MAGI3: variants seen among roughly 807,000 people sequenced by gnomAD.
The protein encoded by MAGI3 is membrane-associated guanylate kinase, WW and PDZ domain-containing protein 3.
A neutral mutation model predicts 121.8 loss-of-function variants in MAGI3; 43 were observed. The observed-to-expected ratio is 0.35, with a 90% CI of 0.28 to 0.46. MAGI3 has a LOEUF of 0.46. MAGI3 is among the 20% of genes least tolerant of loss of function. MAGI3 has a pLI of 1.00. For synonymous variants in MAGI3, 553 were observed against 639.3 expected, an observed-to-expected ratio of 0.86 and a Z score of 2.04; for missense variants, 1,547 against 1,797.3, an observed-to-expected ratio of 0.86 and a Z score of 2.52.
In MAGI3 at chr1:113,416,085, AT is replaced by A. The variant is rs1652309202; in HGVS notation, c.316+24738del. On this transcript the variant is annotated intron_variant, in intron 1 of 20. Coordinates refer to ENST00000307546, the MANE Select transcript of MAGI3 (RefSeq NM_001142782.2). ...ATTAATTATGTAATTAATGACACAT[AT>A]TAATTATGTAATTAATGACACATAT... 4.1e-5 allele frequency among the ~76,000 whole-genome samples: 6 copies of A among 147,916 alleles called. 1 individual carries two copies. In the Admixed American group the frequency reaches 4.1e-4, roughly 10 times the overall value.
intron 6 of MAGI3, among the ~76,000 whole-genome samples, chr1:113,602,522 A>C (rs1290515855): frequency 6.6e-6 from 1 of 152,246 alleles, no homozygotes; most frequent in Non-Finnish European, 1.5e-5. Flanking sequence ...GAAAGATCAC[A>C]AATTGACAAC....
intron 1 of MAGI3, among the ~76,000 whole-genome samples, chr1:113,423,567 T>A (rs1652843465): frequency 6.6e-6 from 1 of 152,002 alleles, no homozygotes; most frequent in African/African-American, 2.4e-5. Flanking sequence ...CACTGGGCCC[T>A]GCTGAGTCTG....
At chr1:113,534,724 T>C (rs939517898) in intron 1 of MAGI3, among the ~76,000 whole-genome samples, 2 of 152,156 alleles carry the variant, frequency 1.3e-5, no homozygotes, top group Admixed American at 1.3e-4. Context: ...TAGTGCTTGG[T>C]ATTTTGTTTT....
intron 1 of MAGI3, among the ~76,000 whole-genome samples, chr1:113,503,375 T>C (rs1657142908): frequency 7.1e-6 from 1 of 140,394 alleles, no homozygotes; most frequent in Non-Finnish European, 1.5e-5. Context: ...CAGTGCTAAA[T>C]TATAATTTTC....
chr1:113,424,478 G>C (rs1652900785), intron 1 of MAGI3, among the ~76,000 whole-genome samples: 1 of 152,010 alleles, frequency 6.6e-6, no homozygotes, highest in Non-Finnish European at 1.5e-5. Flanking sequence ...GAGCAGTCCA[G>C]AAATACACCT....
At chr1:113,475,655 C>T (rs563196796) in intron 1 of MAGI3, among the ~76,000 whole-genome samples, 5 of 151,952 alleles carry the variant, frequency 3.3e-5, no homozygotes, top group Non-Finnish European at 7.4e-5. Flanking sequence ...TGAGGATTTT[C>T]GCATCAATAC....
At chr1:113,560,375 TAAAAAACAAACA>T (rs1660177681) in intron 2 of MAGI3, among the ~76,000 whole-genome samples, 1 of 147,608 alleles carries the variant, frequency 6.8e-6, no homozygotes, top group Non-Finnish European at 1.5e-5. Context: ...GACTCCATCT[TAAAAAACAAACA>T]AAAAAACAAA....
At chr1:113,640,266 T>A (rs1295470109) in intron 9 of MAGI3, among the ~76,000 whole-genome samples, 1 of 146,084 alleles carries the variant, frequency 6.8e-6, no homozygotes, top group African/African-American at 2.4e-5. Flanking sequence ...ACAGGAACGC[T>A]TTTACACTAT....
chr1:113,558,150 C>G (rs12758394), intron 2 of MAGI3, among the ~76,000 whole-genome samples: 174 of 152,192 alleles, frequency 1.1e-3, no homozygotes, highest in Non-Finnish European at 2.1e-3. Flanking sequence ...CTAGGGTACC[C>G]CCTCTCCTCC....
intron 13 of MAGI3, among the ~76,000 whole-genome samples, chr1:113,649,708 T>TA (rs1653050769): frequency 6.6e-6 from 1 of 152,240 alleles, no homozygotes; most frequent in African/African-American, 2.4e-5. Flanking sequence ...ATCTTCTGGA[T>TA]GCTCCATAAA....
intron 1 of MAGI3, among the ~76,000 whole-genome samples, chr1:113,399,741 T>G (rs1651303180): frequency 6.6e-6 from 1 of 152,164 alleles, no homozygotes; most frequent in Non-Finnish European, 1.5e-5. Flanking sequence ...ATGCTGTTGA[T>G]TTTTAGGGAG....
intron 6 of MAGI3, among the ~76,000 whole-genome samples, chr1:113,610,598 G>C (rs1208314329): frequency 6.6e-6 from 1 of 152,014 alleles, no homozygotes; most frequent in African/African-American, 2.4e-5. Flanking sequence ...CATCCCCCCA[G>C]CTGCTTGAGC....
At chr1:113,557,146 C>G (rs1478731566) in intron 2 of MAGI3, among the ~76,000 whole-genome samples, 13 of 152,134 alleles carry the variant, frequency 8.5e-5, no homozygotes, top group Admixed American at 8.5e-4. Flanking sequence ...AGGGAGCGTC[C>G]CCCCAGCAGC....
chr1:113,673,499 G>T, intron 19 of MAGI3, 34 bp downstream of exon 19: 1 of 1,600,448 alleles, frequency 6.2e-7, no homozygotes, highest in African/African-American at 1.4e-5. Context: ...CTTAGGTTCA[G>T]GCTCTAGACT....
rs562769386 is a variant in MAGI3 at position 113,410,388 on chromosome 1, A to G, written c.316+19039A>G. Among the ~76,000 whole-genome samples the G allele has an allele frequency of 5.9e-5, 9 of 151,770 alleles. No individual in the cohort carries two copies. In the South Asian group the frequency reaches 1.0e-3, roughly 18 times the overall value. On this transcript the variant is annotated intron_variant, in intron 1 of 20. Coordinates refer to ENST00000307546, the MANE Select transcript of MAGI3 (RefSeq NM_001142782.2). ...TCAGGACAAAAAATTGCTACTAACC[A>G]TTTACCACCCAGAAGCCATAATAAT...
chr1:113,625,041 C>G (rs1009956354), intron 9 of MAGI3, among the ~76,000 whole-genome samples: 1 of 152,074 alleles, frequency 6.6e-6, no homozygotes, highest in African/African-American at 2.4e-5. Context: ...CTATTCTGTT[C>G]CACTGGTCTA....
At chr1:113,426,110 C>T (rs1652995775) in intron 1 of MAGI3, among the ~76,000 whole-genome samples, 1 of 152,038 alleles carries the variant, frequency 6.6e-6, no homozygotes, top group Non-Finnish European at 1.5e-5. Flanking sequence ...CATTTTCATT[C>T]AATTCTGTGT....
At chr1:113,536,973 A>G (rs1659036981) in intron 1 of MAGI3, among the ~76,000 whole-genome samples, 2 of 152,070 alleles carry the variant, frequency 1.3e-5, no homozygotes, top group Non-Finnish European at 1.5e-5. Flanking sequence ...CCCCCTGTAC[A>G]TTCTCCACAC....
intron 9 of MAGI3, among the ~76,000 whole-genome samples, chr1:113,637,373 G>T (rs1259957118): frequency 6.6e-6 from 1 of 152,168 alleles, no homozygotes; most frequent in Non-Finnish European, 1.5e-5. Context: ...GGTACCAGTT[G>T]TTCCTTTCCA....
Sources: gnomAD v4.1 joint callset for allele counts (sites outside exome capture counted in the v4.1 genomes callset) on GRCh38, gnomAD v4.1.1 for gene constraint, MANE v1.5 for transcripts, NCBI Gene and HGNC (gene_info 2026-07-23, HGNC 2026-07-21) for gene names.